APBB2: variants seen among roughly 807,000 people sequenced by gnomAD.
APBB2 encodes Fe65-like 1.
In APBB2, 38 loss-of-function variants were observed where a neutral mutation model predicts 82.5. That is an observed-to-expected ratio of 0.46 (90% confidence interval 0.36 to 0.60). The LOEUF (loss-of-function observed/expected upper bound fraction) is 0.60. Ranked by LOEUF, APBB2 falls within the 20% of genes least tolerant of loss-of-function variation. The probability of loss-of-function intolerance (pLI) is 0.00; values close to 1 mark genes in which losing one functional copy is unlikely to be tolerated. For synonymous variants in APBB2, 341 were observed against 368.2 expected (o/e 0.93, Z 0.85); for missense variants, 772 against 972.3 (o/e 0.79, Z 2.74).
At chr4:41,032,763 G>GATTC (rs1717344755) in intron 5 of APBB2, among the ~76,000 whole-genome samples, 1 of 140,052 alleles carries the variant, frequency 7.1e-6, no homozygotes, top group Non-Finnish European at 1.5e-5. Flanking sequence ...TGATTTTAAA[G>GATTC]ATTCATTTTT....
At chr4:40,922,641 G>T (rs1427710265) in intron 10 of APBB2, among the ~76,000 whole-genome samples, 2 of 152,128 alleles carry the variant, frequency 1.3e-5, no homozygotes, top group African/African-American at 4.8e-5. Context: ...GATAGGATCT[G>T]GTTCTGTTGG....
intron 12 of APBB2, among the ~76,000 whole-genome samples, chr4:40,886,192 G>A (rs1406611861): frequency 6.6e-6 from 1 of 152,180 alleles, no homozygotes; most frequent in Non-Finnish European, 1.5e-5. Context: ...CAGAAATTAT[G>A]TTTTGGCTGG....
intron 12 of APBB2, chr4:40,880,118 G>C: frequency 1.0e-6 from 1 of 985,412 alleles, no homozygotes; most frequent in Non-Finnish European, 1.2e-6. Context: ...ATGATCTCCA[G>C]TGCGGATGGA....
chr4:41,214,196 C>G (rs1014062124), intron 1 of APBB2, among the ~76,000 whole-genome samples: 63 of 152,182 alleles, frequency 4.1e-4, no homozygotes, highest in African/African-American at 1.4e-3. Context: ...AGGCGCCCCG[C>G]TGCAGATGCC....
chr4:40,861,522 A>C (rs1379955811), intron 12 of APBB2, among the ~76,000 whole-genome samples: 2 of 152,170 alleles, frequency 1.3e-5, no homozygotes, highest in Non-Finnish European at 2.9e-5. Flanking sequence ...GCGAGATGCT[A>C]TCTCTAAAAT....
chr4:40,827,266 T>C (rs777686893), intron 13 of APBB2, 47 bp from the exon 14 acceptor site: 7 of 1,527,538 alleles, frequency 4.6e-6, no homozygotes, highest in South Asian at 4.5e-5. Flanking sequence ...CAAGCCCCCA[T>C]GTCTTCAGCT....
Position 40,824,556 on chromosome 4 carries a change from C to T in APBB2, c.1817-797G>A, listed in dbSNP as rs189835706. Among the ~76,000 whole-genome samples the T allele has an allele frequency of 1.6e-4, 25 of 152,262 alleles. No homozygotes were observed. In the East Asian group the frequency reaches 2.9e-3, roughly 18 times the overall value. On this transcript the variant is annotated intron_variant, in intron 15 of 17. Coordinates refer to ENST00000508593, the MANE Select transcript of APBB2 (RefSeq NM_004307.2). The stretch of plus-strand genomic sequence containing the variant: ...AGGCTGGAGTGCAGTGGTACAATCA[C>T]GGCTCACTGTAGCCTCAGCCTCCCA...
intron 1 of APBB2, among the ~76,000 whole-genome samples, chr4:41,190,912 T>C (rs1774249042): frequency 6.6e-6 from 1 of 152,232 alleles, no homozygotes; most frequent in Non-Finnish European, 1.5e-5. Flanking sequence ...TGGTCTGCTG[T>C]TTCTGATGAA....
At chr4:41,103,636 GA>G (rs879462822) in intron 2 of APBB2, among the ~76,000 whole-genome samples, 8 of 150,388 alleles carry the variant, frequency 5.3e-5, no homozygotes, top group Admixed American at 2.6e-4. Context: ...AGACTAGAAA[GA>G]AAAAAAAAGC....
At chr4:40,962,262 T>C (rs2154393902) in intron 6 of APBB2, among the ~76,000 whole-genome samples, 1 of 152,240 alleles carries the variant, frequency 6.6e-6, no homozygotes, top group Admixed American at 6.5e-5. Flanking sequence ...TTCTCAAAAA[T>C]AGAATCTAGC....
intron 10 of APBB2, among the ~76,000 whole-genome samples, chr4:40,900,755 GCTTT>G (rs768592405): frequency 6.9e-6 from 1 of 145,580 alleles, no homozygotes; most frequent in African/African-American, 2.5e-5. Flanking sequence ...CTGAGCCCGG[GCTTT>G]TTTTTTTTTT....
intron 12 of APBB2, among the ~76,000 whole-genome samples, chr4:40,831,595 C>T (rs1751927648): frequency 6.6e-6 from 1 of 152,082 alleles, no homozygotes; most frequent in Non-Finnish European, 1.5e-5. Context: ...GACAGTGGCG[C>T]AGCGGAAGCA....
chr4:40,895,022 T>C (rs559688220), intron 10 of APBB2, among the ~76,000 whole-genome samples: 53 of 152,248 alleles, frequency 3.5e-4, no homozygotes, highest in African/African-American at 9.9e-4. Flanking sequence ...AAAGAACAGC[T>C]TGTAAAGTTT....
chr4:41,190,388 T>G (rs1185653868), intron 1 of APBB2, among the ~76,000 whole-genome samples: 1 of 151,900 alleles, frequency 6.6e-6, no homozygotes, highest in Non-Finnish European at 1.5e-5. Context: ...TAGCTGGGAT[T>G]ACAGGCACCC....
At chr4:40,960,454 T>TC (rs1469741492) in intron 6 of APBB2, among the ~76,000 whole-genome samples, 2 of 146,634 alleles carry the variant, frequency 1.4e-5, no homozygotes, top group Non-Finnish European at 1.5e-5. Flanking sequence ...CGGGTTTTTT[T>TC]TTTTTTTTTT....
At chr4:40,839,807 A>G (rs1755220282) in intron 12 of APBB2, among the ~76,000 whole-genome samples, 1 of 151,832 alleles carries the variant, frequency 6.6e-6, no homozygotes, top group Non-Finnish European at 1.5e-5. Context: ...TGGGATTACA[A>G]GCGTGTGACA....
intron 4 of APBB2, among the ~76,000 whole-genome samples, chr4:41,051,103 T>A (rs903658480): frequency 5.3e-5 from 8 of 152,060 alleles, no homozygotes; most frequent in African/African-American, 1.7e-4. Flanking sequence ...AAAGCGGAAG[T>A]CAGGAATCAG....
chr4:41,023,022 A>C (rs548286813), intron 5 of APBB2, among the ~76,000 whole-genome samples: 32 of 152,338 alleles, frequency 2.1e-4, no homozygotes, highest in African/African-American at 7.7e-4. Flanking sequence ...TAATGTATAG[A>C]CCAATTTATC....
intron 1 of APBB2, among the ~76,000 whole-genome samples, chr4:41,196,642 G>A: frequency 7.5e-6 from 1 of 133,452 alleles, no homozygotes; most frequent in East Asian, 2.2e-4. Flanking sequence ...GAGAGGCTTA[G>A]AAGGTTTGAC....
Sources: allele counts gnomAD v4.1 joint callset (sites outside exome capture counted in the v4.1 genomes callset), GRCh38; gene constraint gnomAD v4.1.1; transcripts MANE v1.5; gene names NCBI Gene and HGNC (gene_info 2026-07-23, HGNC 2026-07-21).